The following RASEF variants were observed in gnomAD, a reference collection of about 807,000 sequenced individuals.
RASEF encodes the protein RAS and EF-hand domain containing.
RASEF carries 68 observed loss-of-function variants against 90.1 expected under a neutral mutation model. The ratio of observed to expected loss-of-function variants is 0.75; its 90% CI spans 0.62 to 0.92. The LOEUF (loss-of-function observed/expected upper bound fraction) is 0.92. RASEF is among the 40% of genes least tolerant of loss of function. RASEF has a pLI of 0.00. For synonymous variants in RASEF, 331 were observed against 345.2 expected (o/e 0.96, Z 0.46); for missense variants, 949 against 937.2 (o/e 1.01, Z -0.16).
At chr9:83,085,067 T>C in the RASEF span, among the ~76,000 whole-genome samples, 1 of 152,280 alleles carries the variant, frequency 6.6e-6, no homozygotes, top group South Asian at 2.1e-4. Flanking sequence ...TAAAAAGATA[T>C]ATCCCAGTAA....
chr9:82,989,231 T>C (rs1042483363), intron 16 of RASEF, among the ~76,000 whole-genome samples: 3 of 151,540 alleles, frequency 2.0e-5, no homozygotes, highest in African/African-American at 4.8e-5. Flanking sequence ...CATGTGTGCG[T>C]GTGTGTGTGT....
chr9:82,988,736 C>T (rs756981121), intron 16 of RASEF, among the ~76,000 whole-genome samples: 1 of 152,048 alleles, frequency 6.6e-6, no homozygotes. Context: ...CAGGAGTAAA[C>T]GCTCCCTGAG....
chr9:83,010,738 T>C (rs1262104263), intron 5 of RASEF, among the ~76,000 whole-genome samples: 2 of 152,192 alleles, frequency 1.3e-5, no homozygotes, highest in African/African-American at 4.8e-5. Flanking sequence ...TCTCTCTGAA[T>C]ATCCCTGCCC....
At chr9:83,121,453 C>A in the RASEF span, among the ~76,000 whole-genome samples, 1 of 152,170 alleles carries the variant, frequency 6.6e-6, no homozygotes, top group Non-Finnish European at 1.5e-5. Flanking sequence ...TTTTAAGAAG[C>A]ACTTCTCTAG....
chr9:83,159,159 C>G, the RASEF span, among the ~76,000 whole-genome samples: 1 of 149,218 alleles, frequency 6.7e-6, no homozygotes, highest in Non-Finnish European at 1.5e-5. Flanking sequence ...GCACTCCAGC[C>G]TGGGCGACAG....
chr9:83,055,203 T>G (rs1266564962), intron 1 of RASEF: 1 of 195,774 alleles, frequency 5.1e-6, no homozygotes, highest in African/African-American at 2.4e-5. Flanking sequence ...CGAGATTCCG[T>G]GGGCGTAGGA....
At chr9:83,136,876 GTTT>G in the RASEF span, among the ~76,000 whole-genome samples, 1 of 151,920 alleles carries the variant, frequency 6.6e-6, no homozygotes, top group Non-Finnish European at 1.5e-5. Context: ...AGTGCCTTGG[GTTT>G]TTTAATTATA....
chr9:83,143,834 A>G, the RASEF span, among the ~76,000 whole-genome samples: 1 of 152,330 alleles, frequency 6.6e-6, no homozygotes, highest in African/African-American at 2.4e-5. Context: ...GTAGATCATT[A>G]TACTGAAAAG....
intron 5 of RASEF, among the ~76,000 whole-genome samples, chr9:83,011,371 G>A (rs2118502997): frequency 6.6e-6 from 1 of 152,006 alleles, no homozygotes; most frequent in Middle Eastern, 3.4e-3. Context: ...GGCCAACACG[G>A]TGAAACCCTG....
chr9:83,038,474 T>C lies in RASEF; in HGVS notation c.432-12553A>G, dbSNP rs191752759. ...ACTCTAAAGATTACAAGCAATATTATAGAAAAAATTAAGAATACGACCACA... is the reference window on the plus strand; with the variant it reads ...ACTCTAAAGATTACAAGCAATATTACAGAAAAAATTAAGAATACGACCACA... On this transcript the variant is annotated intron_variant, in intron 1 of 16. Coordinates refer to ENST00000376447, the MANE Select transcript of RASEF (RefSeq NM_152573.4). Among the ~76,000 whole-genome samples the C allele has an allele frequency of 9.9e-5, 15 of 152,234 alleles. No homozygotes were observed. In the East Asian group the frequency reaches 1.7e-3, roughly 18 times the overall value.
the RASEF span, among the ~76,000 whole-genome samples, chr9:83,132,334 A>C: frequency 1.6e-4 from 24 of 152,140 alleles, no homozygotes; most frequent in African/African-American, 5.8e-4. Context: ...AAGCTCTAAC[A>C]TGGCAGGAAG....
At chr9:83,090,815 G>A in the RASEF span, among the ~76,000 whole-genome samples, 2 of 151,976 alleles carry the variant, frequency 1.3e-5, no homozygotes, top group East Asian at 1.9e-4. Flanking sequence ...AGTTTTTGTT[G>A]TTGCTGCTTT....
the RASEF span, among the ~76,000 whole-genome samples, chr9:83,092,778 C>T: frequency 2.6e-5 from 4 of 152,216 alleles, no homozygotes; most frequent in African/African-American, 7.2e-5. Flanking sequence ...CTGCTTTGAC[C>T]GGGTGCTGAT....
At chr9:83,055,711 T>C in intron 1 of RASEF, 1 of 715,934 alleles carries the variant, frequency 1.4e-6, no homozygotes, top group South Asian at 1.5e-5. Flanking sequence ...TCCAAATCTG[T>C]AATGCAGGTG....
chr9:83,165,188 C>T, the RASEF span, among the ~76,000 whole-genome samples: 1 of 152,042 alleles, frequency 6.6e-6, no homozygotes, highest in Non-Finnish European at 1.5e-5. Context: ...CTTCACTTAA[C>T]AACAGCAGAA....
the RASEF span, among the ~76,000 whole-genome samples, chr9:83,094,152 A>AATAAAAAATTATTT: frequency 6.6e-6 from 1 of 151,790 alleles, no homozygotes; most frequent in African/African-American, 2.4e-5. Flanking sequence ...CTATCATGAG[A>AATAAAAAATTATTT]TGCCATTCCT....
the RASEF span, among the ~76,000 whole-genome samples, chr9:83,121,097 T>C: frequency 6.6e-6 from 1 of 152,184 alleles, no homozygotes; most frequent in East Asian, 1.9e-4. Context: ...TAATTTGTAG[T>C]TATTTCAGTT....
intron 1 of RASEF, among the ~76,000 whole-genome samples, chr9:83,031,416 A>T (rs536946512): frequency 6.6e-6 from 1 of 152,338 alleles, no homozygotes; most frequent in South Asian, 2.1e-4. Flanking sequence ...CCAGGTGCTG[A>T]TTTAAGCCTT....
At chr9:83,196,503 G>C in the RASEF span, among the ~76,000 whole-genome samples, 14 of 152,156 alleles carry the variant, frequency 9.2e-5, no homozygotes, top group East Asian at 1.9e-4. Context: ...GGGCAAAAAG[G>C]TCTCGTATGT....
Sources: gnomAD v4.1 joint callset for allele counts (sites outside exome capture counted in the v4.1 genomes callset) on GRCh38, gnomAD v4.1.1 for gene constraint, MANE v1.5 for transcripts, NCBI Gene and HGNC (gene_info 2026-07-23, HGNC 2026-07-21) for gene names.